OPCML: variants seen among roughly 807,000 people sequenced by gnomAD.
The protein encoded by OPCML is opioid-binding protein/cell adhesion molecule.
Under a neutral mutation model 37.8 loss-of-function variants are expected in OPCML, and 13 were observed. That is an observed-to-expected ratio of 0.34 (90% CI 0.22 to 0.55). OPCML has a LOEUF of 0.55. OPCML is among the 20% of genes least tolerant of loss of function. The pLI is 0.91. For synonymous variants in OPCML, 176 were observed against 168.8 expected (o/e 1.04, Z -0.33); for missense variants, 341 against 435.6 (o/e 0.78, Z 1.93).
At chr11:133,249,905 G>A (rs1295170634) in intron 1 of OPCML, among the ~76,000 whole-genome samples, 1 of 152,188 alleles carries the variant, frequency 6.6e-6, no homozygotes, top group Non-Finnish European at 1.5e-5. Flanking sequence ...AGAAATGGAC[G>A]ATGGGAGAAG....
intron 1 of OPCML, among the ~76,000 whole-genome samples, chr11:132,944,140 A>T (rs1185447834): frequency 6.6e-6 from 1 of 150,522 alleles, no homozygotes; most frequent in Non-Finnish European, 1.5e-5. Flanking sequence ...CACCCGCGCC[A>T]GCGGAGAGAA....
intron 1 of OPCML, among the ~76,000 whole-genome samples, chr11:133,435,247 G>A (rs1946209003): frequency 6.6e-6 from 1 of 152,096 alleles, no homozygotes; most frequent in African/African-American, 2.4e-5. Flanking sequence ...AGGGTATATC[G>A]CTTGCAAATG....
Position 132,870,419 on chromosome 11 carries a change from T to G in OPCML, c.146+72507A>C, listed in dbSNP as rs11824079. ...TGCACATGGTTGGTGGGGATGTCAA[T>G]TAGTACGGCCATTATGGAAAACAGG... On this transcript the variant is annotated intron_variant, in intron 2 of 7. Transcript: ENST00000524381. Among the ~76,000 whole-genome samples the G allele has an allele frequency of 9.4e-3, 1,436 of 152,198 alleles. 24 individuals are homozygous for G. Among genetic ancestry groups the G allele is most frequent in the African/African-American group, 0.033 (1,375 of 41,510 alleles).
At chr11:133,003,057 C>A (rs554611151) in intron 1 of OPCML, among the ~76,000 whole-genome samples, 1 of 152,182 alleles carries the variant, frequency 6.6e-6, no homozygotes, top group South Asian at 2.1e-4. Context: ...GCAGCATATG[C>A]CAGATATTGA....
intron 4 of OPCML, among the ~76,000 whole-genome samples, chr11:132,509,085 G>A (rs940069029): frequency 2.6e-5 from 4 of 152,170 alleles, no homozygotes; most frequent in Non-Finnish European, 2.9e-5. Context: ...CTCAGATGGA[G>A]ATGAGGAACT....
chr11:133,380,110 A>G (rs1944900298), intron 1 of OPCML, among the ~76,000 whole-genome samples: 2 of 152,186 alleles, frequency 1.3e-5, no homozygotes, highest in Admixed American at 1.3e-4. Flanking sequence ...GTTGCTTACG[A>G]TCTGCTGGCA....
At chr11:133,504,672 C>T (rs535728398) in intron 1 of OPCML, among the ~76,000 whole-genome samples, 4 of 152,258 alleles carry the variant, frequency 2.6e-5, no homozygotes, top group Middle Eastern at 6.8e-3. Flanking sequence ...ATTGAGAAGC[C>T]GTCAAATGGG....
intron 2 of OPCML, among the ~76,000 whole-genome samples, chr11:132,919,388 C>T (rs7112135): frequency 1.3e-5 from 2 of 151,946 alleles, no homozygotes; most frequent in Admixed American, 6.6e-5. Context: ...GGTTGAGGCC[C>T]GGCAGGGTCC....
chr11:132,761,277 A>G (rs1946253538), intron 2 of OPCML, among the ~76,000 whole-genome samples: 1 of 113,932 alleles, frequency 8.8e-6, no homozygotes, highest in African/African-American at 3.5e-5. Context: ...TCTGGTGATT[A>G]TGTGTCTTAG....
At chr11:132,753,003 G>GC (rs1565834247) in intron 2 of OPCML, among the ~76,000 whole-genome samples, 6 of 151,582 alleles carry the variant, frequency 4.0e-5, no homozygotes. Context: ...ATCTTGATTT[G>GC]TTTTTTTTGG....
rs111357917 is a variant in OPCML, at chr11:132,850,088, T to A, written c.146+92838A>T. ...ACCAACTAGAAAGTTTATAGTGAAGTGTGTGCATTTTATTTCAAGTCTTGT... is the reference window on the plus strand; with the variant it reads ...ACCAACTAGAAAGTTTATAGTGAAGAGTGTGCATTTTATTTCAAGTCTTGT... On this transcript the variant is annotated intron_variant, in intron 2 of 7. Coordinates refer to ENST00000524381, the MANE Select transcript of OPCML (RefSeq NM_001012393.5). Among the ~76,000 whole-genome samples, 1,127 of 152,226 alleles carry A rather than the reference T, an allele frequency of 7.4e-3. 14 individuals are homozygous for A. The highest frequency in any genetic ancestry group is 0.025 in the African/African-American group (1,023 of 41,532).
intron 3 of OPCML, among the ~76,000 whole-genome samples, chr11:132,624,279 T>C (rs554691090): frequency 7.2e-5 from 11 of 152,330 alleles, no homozygotes; most frequent in Admixed American, 5.2e-4. Context: ...CAAGTTTGTA[T>C]AGTTGGCTTC....
intron 2 of OPCML, among the ~76,000 whole-genome samples, chr11:132,934,791 T>G (rs1440783639): frequency 6.6e-6 from 1 of 152,156 alleles, no homozygotes; most frequent in Non-Finnish European, 1.5e-5. Flanking sequence ...TTTGTTAATA[T>G]TTATGAAAAT....
chr11:132,463,600 G>A (rs1565583521), intron 4 of OPCML, among the ~76,000 whole-genome samples: 1 of 152,192 alleles, frequency 6.6e-6, no homozygotes, highest in Admixed American at 6.5e-5. Flanking sequence ...GAGGGTTAGG[G>A]AATCTGGGAT....
intron 4 of OPCML, among the ~76,000 whole-genome samples, chr11:132,491,905 G>A (rs1465008866): frequency 6.6e-6 from 1 of 150,946 alleles, no homozygotes; most frequent in Non-Finnish European, 1.5e-5. Context: ...TATTGTAGGT[G>A]GGGTTTGGGA....
chr11:132,599,313 G>A (rs1183797425), intron 3 of OPCML, among the ~76,000 whole-genome samples: 2 of 148,812 alleles, frequency 1.3e-5, no homozygotes, highest in Non-Finnish European at 3.0e-5. Flanking sequence ...AAAAGAAGAA[G>A]AAGGAGGAGG....
In OPCML at chr11:132,692,587, T is replaced by C. The variant is rs563213982; in HGVS notation, c.147-35268A>G. ...TAATAAATCACCCAGGGGAGGTGCT[T>C]TCACTGCAATAGAAAATAAACCACA... On this transcript the variant is annotated intron_variant, in intron 2 of 7. Coordinates refer to ENST00000524381, the MANE Select transcript of OPCML (RefSeq NM_001012393.5). 7.9e-5 allele frequency among the ~76,000 whole-genome samples: 12 copies of C among 152,272 alleles called. No individual in the cohort carries two copies. The South Asian group carries it at 2.1e-3, about 26-fold the overall frequency.
chr11:133,191,921 T>C (rs796362706), intron 1 of OPCML, among the ~76,000 whole-genome samples: 15 of 152,302 alleles, frequency 9.8e-5, no homozygotes, highest in African/African-American at 3.4e-4. Context: ...TGGTGAATGG[T>C]CTGCTTGTCT....
chr11:133,197,653 G>A (rs796814399), intron 1 of OPCML, among the ~76,000 whole-genome samples: 14 of 152,276 alleles, frequency 9.2e-5, no homozygotes, highest in African/African-American at 3.1e-4. Context: ...GCTGACAAAT[G>A]GTGTTTATGC....
Sources: gnomAD v4.1 joint callset for allele counts (sites outside exome capture counted in the v4.1 genomes callset) on GRCh38, gnomAD v4.1.1 for gene constraint, MANE v1.5 for transcripts, NCBI Gene and HGNC (gene_info 2026-07-23, HGNC 2026-07-21) for gene names.